Variants in AUTS2 observed in about 807,000 individuals in gnomAD.
AUTS2 encodes autism susceptibility gene 2 protein.
In AUTS2, 17 loss-of-function variants were observed where a neutral mutation model predicts 112.4. The ratio of observed to expected loss-of-function variants is 0.15; its 90% CI spans 0.10 to 0.23. The LOEUF (loss-of-function observed/expected upper bound fraction) is 0.23, where lower values mean the gene tolerates loss of function less well. Ranked by LOEUF, AUTS2 falls within the 10% of genes least tolerant of loss-of-function variation. AUTS2 has a pLI of 1.00. For missense variants in AUTS2, 1,510 were observed against 1,701.6 expected, an observed-to-expected ratio of 0.89 and a Z score of 1.98; for synonymous variants, 751 against 702.7, an observed-to-expected ratio of 1.07 and a Z score of -1.09.
Position 69,905,236 on chromosome 7 carries a change from C to T in AUTS2, c.522+5738C>T, listed in dbSNP as rs184381204. ...TGTTATGACCAGTAATAATTTTATC[C>T]TAAATGACATTTGTAATTTTAAATA... On this transcript the variant is annotated intron_variant, in intron 2 of 18. Transcript: ENST00000342771. 4.2e-3 allele frequency among the ~76,000 whole-genome samples: 642 copies of T among 152,188 alleles called. 5 individuals carry two copies. Among genetic ancestry groups the T allele is most frequent in the Non-Finnish European group, 5.5e-3 (371 of 68,014 alleles).
intron 1 of AUTS2, among the ~76,000 whole-genome samples, chr7:69,893,814 C>A (rs1227064225): frequency 2.0e-5 from 3 of 152,192 alleles, no homozygotes; most frequent in Admixed American, 1.3e-4. Flanking sequence ...CTGCAGCTTA[C>A]ATAGTGTTTC....
At chr7:69,957,743 G>A (rs1797273758) in intron 2 of AUTS2, among the ~76,000 whole-genome samples, 1 of 152,116 alleles carries the variant, frequency 6.6e-6, no homozygotes, top group African/African-American at 2.4e-5. Context: ...AACAGGGAGG[G>A]TGTTTGTGTA....
intron 4 of AUTS2, among the ~76,000 whole-genome samples, chr7:70,285,541 G>A (rs1788418475): frequency 6.6e-6 from 1 of 152,192 alleles, no homozygotes; most frequent in African/African-American, 2.4e-5. Flanking sequence ...TTTAATGAGA[G>A]TAAGTCATGC....
chr7:70,498,240 G>A (rs147916165), intron 5 of AUTS2, among the ~76,000 whole-genome samples: 2 of 152,276 alleles, frequency 1.3e-5, no homozygotes, highest in African/African-American at 4.8e-5. Flanking sequence ...CCACAGAGCC[G>A]CATACTCATT....
intron 5 of AUTS2, among the ~76,000 whole-genome samples, chr7:70,443,274 G>C (rs529966925): frequency 1.3e-5 from 2 of 152,136 alleles, no homozygotes; most frequent in African/African-American, 4.8e-5. Context: ...TCTATTGCTC[G>C]CAATAGGTGG....
chr7:70,574,634 G>A (rs566235184), intron 5 of AUTS2, among the ~76,000 whole-genome samples: 1 of 152,182 alleles, frequency 6.6e-6, no homozygotes, highest in South Asian at 2.1e-4. Flanking sequence ...CTTTAACACA[G>A]GCTGGGTTTC....
chr7:70,674,960 C>T (rs1807833165), intron 5 of AUTS2, among the ~76,000 whole-genome samples: 1 of 152,180 alleles, frequency 6.6e-6, no homozygotes, highest in Admixed American at 6.5e-5. Context: ...TTACAAGTGA[C>T]ATAGTAAGAG....
intron 13 of AUTS2, chr7:70,776,871 A>G (rs962358667): frequency 1.9e-5 from 11 of 564,686 alleles, no homozygotes; most frequent in Non-Finnish European, 3.1e-5. Context: ...GCCCTTGTCA[A>G]TGTGGTTTTC....
intron 1 of AUTS2, among the ~76,000 whole-genome samples, chr7:69,642,334 G>C (rs1296653896): frequency 6.6e-6 from 1 of 152,068 alleles, no homozygotes; most frequent in Non-Finnish European, 1.5e-5. Flanking sequence ...ATATCCATGA[G>C]TCAGGACAAA....
intron 4 of AUTS2, among the ~76,000 whole-genome samples, chr7:70,373,047 G>C (rs1792913335): frequency 6.6e-6 from 1 of 151,594 alleles, no homozygotes; most frequent in South Asian, 2.1e-4. Flanking sequence ...TTGTAGTTAA[G>C]TTTTTTAAAC....
At chr7:70,289,645 T>C (rs1788620151) in intron 4 of AUTS2, among the ~76,000 whole-genome samples, 1 of 152,162 alleles carries the variant, frequency 6.6e-6, no homozygotes, top group Non-Finnish European at 1.5e-5. Context: ...GATTCAGAAA[T>C]GGAAGCTCAC....
chr7:70,408,242 T>A (rs1295993032), intron 4 of AUTS2, among the ~76,000 whole-genome samples: 1 of 151,806 alleles, frequency 6.6e-6, no homozygotes. Flanking sequence ...TTTCCCACCT[T>A]TTAAATTCCC....
intron 1 of AUTS2, among the ~76,000 whole-genome samples, chr7:69,706,284 G>A (rs547140212): frequency 6.6e-6 from 1 of 152,328 alleles, no homozygotes; most frequent in East Asian, 1.9e-4. Flanking sequence ...TATTGTCCTG[G>A]AACATTCTGT....
chr7:70,486,648 A>G (rs1335787318), intron 5 of AUTS2, among the ~76,000 whole-genome samples: 4 of 152,166 alleles, frequency 2.6e-5, no homozygotes, highest in Non-Finnish European at 4.4e-5. Flanking sequence ...AATCCCAGCT[A>G]CTTGGGAGGC....
intron 6 of AUTS2, among the ~76,000 whole-genome samples, chr7:70,726,376 C>G (rs1787035413): frequency 6.6e-6 from 1 of 151,658 alleles, no homozygotes; most frequent in Non-Finnish European, 1.5e-5. Flanking sequence ...GACTCATTTC[C>G]ACCACATATT....
In AUTS2 at chr7:70,242,374, C is replaced by A. The variant is rs564767891; in HGVS notation, c.660+107803C>A. 2.0e-5 allele frequency among the ~76,000 whole-genome samples: 3 copies of A among 152,254 alleles called. No homozygotes were observed. The South Asian group carries it at 6.2e-4, about 32-fold the overall frequency. On this transcript the variant is annotated intron_variant, in intron 4 of 18. Coordinates refer to ENST00000342771, the MANE Select transcript of AUTS2 (RefSeq NM_015570.4). The stretch of plus-strand genomic sequence containing the variant: ...GGCCTCTCAGTTCATCTTTGGCTCT[C>A]CTCTCTCATCCATTTCTGTTTCTTC...
intron 2 of AUTS2, among the ~76,000 whole-genome samples, chr7:69,962,547 C>A (rs1291089619): frequency 2.6e-5 from 4 of 152,134 alleles, no homozygotes; most frequent in African/African-American, 7.2e-5. Flanking sequence ...TTGTACTTTG[C>A]ATTGCAGTTG....
chr7:69,745,224 C>T (rs1048533270), intron 1 of AUTS2, among the ~76,000 whole-genome samples: 2 of 152,192 alleles, frequency 1.3e-5, no homozygotes, highest in Admixed American at 1.3e-4. Flanking sequence ...AGTAACATCA[C>T]CATCCCTGTT....
intron 1 of AUTS2, among the ~76,000 whole-genome samples, chr7:69,851,379 T>C (rs1485493447): frequency 6.6e-6 from 1 of 152,188 alleles, no homozygotes; most frequent in Non-Finnish European, 1.5e-5. Context: ...TTACAAAAAT[T>C]TTGCAGGGAT....
Sources: allele counts gnomAD v4.1 joint callset (sites outside exome capture counted in the v4.1 genomes callset), GRCh38; gene constraint gnomAD v4.1.1; transcripts MANE v1.5; gene names NCBI Gene and HGNC (gene_info 2026-07-23, HGNC 2026-07-21).